CLCN6: variants seen among roughly 807,000 people sequenced by gnomAD.
The protein encoded by CLCN6 is Cl-/H+ antiporter 6, also known as H(+)/Cl(-) exchange transporter 6.
In CLCN6, 70 loss-of-function variants were observed where a neutral mutation model predicts 109.8. The observed-to-expected ratio is 0.64, with a 90% confidence interval of 0.53 to 0.78. The LOEUF (loss-of-function observed/expected upper bound fraction) is 0.78, where lower values mean the gene tolerates loss of function less well. Ranked by LOEUF, CLCN6 falls within the 30% of genes least tolerant of loss-of-function variation. CLCN6 has a pLI of 0.00. For missense variants in CLCN6, 984 were observed against 1,142.3 expected, an observed-to-expected ratio of 0.86 and a Z score of 2.00; for synonymous variants, 444 against 447.8, an observed-to-expected ratio of 0.99 and a Z score of 0.11.
Position 11,823,841 on chromosome 1 carries a change from G to A in CLCN6, c.580+8G>A, listed in dbSNP as rs1644778151. On this transcript the variant is annotated splice_region_variant and intron_variant, in intron 7 of 22. Coordinates refer to ENST00000346436, the MANE Select transcript of CLCN6 (RefSeq NM_001286.5). ...TGTTCAGTGTGGCTGGAGGTAAGAA[G>A]GGTCCAACTTGTATCCTTCAAATAC... The A allele has an allele frequency of 2.5e-6, 4 of 1,614,140 alleles. No homozygotes were observed. The highest frequency in any genetic ancestry group is 3.4e-6 in the Non-Finnish European group (4 of 1,179,984).
In CLCN6 at chr1:11,833,585, C is replaced by T; in HGVS notation, c.1319C>T (p.Thr440Ile). 6.2e-7 allele frequency: 1 copy of T among 1,614,050 alleles called. No individual in the cohort carries two copies. Among genetic ancestry groups the T allele is most frequent in the South Asian group, 1.1e-5 (1 of 91,076 alleles). Reference sequence around the variant, plus strand: ...AATGATACCTACAATGACATGGCCACACTCTTCTTCAACCCGCAGGAGTCT... The same window carrying T: ...AATGATACCTACAATGACATGGCCATACTCTTCTTCAACCCGCAGGAGTCT... ...CPNDTYNDMA[T>I]LFFNPQESAI... The change falls in exon 14 of 23, where the codon ACA (threonine) becomes ATA (isoleucine). Residue 440 changes from threonine (T) to isoleucine (I), a missense_variant. Coordinates refer to ENST00000346436, the MANE Select transcript of CLCN6 (RefSeq NM_001286.5).
At chr1:11,836,289 G>T (rs1366296740) in intron 18 of CLCN6, 136 bp downstream of exon 18, 2 of 723,790 alleles carry the variant, frequency 2.8e-6, no homozygotes, top group African/African-American at 1.8e-5. Flanking sequence ...CTCATCACAT[G>T]CGACAGGGAG....
At chr1:11,820,863 T>G (rs1644732079) in intron 5 of CLCN6, 1 of 152,968 alleles carries the variant, frequency 6.5e-6, no homozygotes, top group South Asian at 2.0e-4. Flanking sequence ...TCACCTGAGG[T>G]CAGGAGTTCA....
intron 13 of CLCN6, among the ~76,000 whole-genome samples, chr1:11,831,589 C>G (rs545676114): frequency 3.3e-5 from 5 of 152,292 alleles, no homozygotes; most frequent in Admixed American, 1.3e-4. Context: ...CTAGTTATTC[C>G]CAAGCCTAGC....
chr1:11,836,631 C>T (rs374675459), intron 18 of CLCN6, among the ~76,000 whole-genome samples: 6 of 152,110 alleles, frequency 3.9e-5, no homozygotes, highest in Admixed American at 6.5e-5. Flanking sequence ...CTCCTGATTC[C>T]GATTCAGAAT....
chr1:11,808,172 G>A (rs541386035), intron 2 of CLCN6, among the ~76,000 whole-genome samples: 5 of 150,356 alleles, frequency 3.3e-5, no homozygotes, highest in South Asian at 2.1e-4. Context: ...CTGTGCTTTC[G>A]TTATCCACTT....
Position 11,840,444 on chromosome 1 carries a change from C to T in CLCN6, c.*221C>T. Reference sequence around the variant, plus strand: ...CTGACTTCCCCAGCAAGGATCTTCCCACTTCCTGCTCCCTGTGTTCCCACC... The same window carrying T: ...CTGACTTCCCCAGCAAGGATCTTCCTACTTCCTGCTCCCTGTGTTCCCACC... On this transcript the variant is annotated 3_prime_UTR_variant, in exon 23 of 23. Transcript: ENST00000346436. 1.7e-6 allele frequency: 1 copy of T among 597,656 alleles called. No individual in the cohort carries two copies. Among genetic ancestry groups the T allele is most frequent in the Non-Finnish European group, 3.0e-6 (1 of 331,498 alleles). 37.0% of individuals were successfully genotyped at this position (597,656 alleles called of 1,614,324 possible).
chr1:11,838,738 T>C (rs758602018), intron 22 of CLCN6, 78 bp downstream of exon 22: 1 of 1,602,568 alleles, frequency 6.2e-7, no homozygotes, highest in South Asian at 1.1e-5. Context: ...CCCAGGCTTC[T>C]CACCAGAAAC....
intron 12 of CLCN6, among the ~76,000 whole-genome samples, chr1:11,828,984 G>A (rs957563273): frequency 1.3e-5 from 2 of 152,200 alleles, no homozygotes; most frequent in Non-Finnish European, 2.9e-5. Context: ...TGATGTGGAC[G>A]TAGCAGCCCA....
chr1:11,811,142 C>T lies in CLCN6; in HGVS notation c.147+3952C>T, dbSNP rs548998733. ...AGGTGAATTGCTTGAGCCCAGGAGA[C>T]GGAGGTTGCAGAGAGCTGTGATCAC... is the stretch of plus-strand genomic sequence containing the variant. On this transcript the variant is annotated intron_variant, in intron 2 of 22. Transcript: ENST00000346436. Among the ~76,000 whole-genome samples the T allele has an allele frequency of 6.6e-5, 10 of 151,996 alleles. No homozygotes were observed. In the East Asian group the frequency reaches 1.2e-3, roughly 18 times the overall value.
intron 13 of CLCN6, among the ~76,000 whole-genome samples, chr1:11,830,894 C>T (rs969647855): frequency 6.6e-6 from 1 of 151,812 alleles, no homozygotes; most frequent in Non-Finnish European, 1.5e-5. Context: ...AGTGCAGTGG[C>T]GCGATCTTGG....
rs377184742 is a variant in CLCN6, at chr1:11,815,810, G to C, written c.148-36G>C. 3.1e-5 allele frequency: 48 copies of C among 1,572,078 alleles called. No homozygotes were observed. In the East Asian group the frequency reaches 9.2e-4, roughly 30 times the overall value. On this transcript the variant is annotated intron_variant, in intron 2 of 22. Coordinates refer to ENST00000346436, the MANE Select transcript of CLCN6 (RefSeq NM_001286.5). ...TGTCCCTTTGCAGGTCTTCTCACCT[G>C]ACATGACCTTTTGACTCAACTTTGC...
In CLCN6 at chr1:11,836,096, T is replaced by G; in HGVS notation, c.1923T>G (p.Gly641=). 3 of 1,612,268 alleles carry G rather than the reference T, an allele frequency of 1.9e-6. No individual in the cohort carries two copies. The highest frequency in any genetic ancestry group is 2.5e-6 in the Non-Finnish European group (3 of 1,179,456). The stretch of plus-strand genomic sequence containing the variant: ...TCCCGGTGGTCACAGAGAACCGCGG[T>G]AACGAGAAGGAGTTCATGAAGGGCA... ...HAFPVVTENR[G]NEKEFMKGNQ... is the part of the protein sequence containing the mutation. The change falls in exon 18 of 23, where the codon GGT becomes GGG. Residue 641 remains glycine, a synonymous_variant. Transcript: ENST00000346436.
rs1372457602 is a variant in CLCN6 at position 11,807,000 on chromosome 1, T to C, written c.88-131T>C. 23 of 783,044 alleles carry C rather than the reference T, an allele frequency of 2.9e-5. No individual in the cohort carries two copies. In the East Asian group the frequency reaches 4.2e-4, roughly 14 times the overall value. 48.5% of individuals were successfully genotyped at this position (783,044 alleles called of 1,614,324 possible). Reference sequence around the variant, plus strand: ...GTCCCTCACCCCTGAAAGGTTTTTTTTGAGGGCTGGTTCCTATTTGATAAT... The same window carrying C: ...GTCCCTCACCCCTGAAAGGTTTTTTCTGAGGGCTGGTTCCTATTTGATAAT... On this transcript the variant is annotated intron_variant, in intron 1 of 22. Coordinates refer to ENST00000346436, the MANE Select transcript of CLCN6 (RefSeq NM_001286.5).
rs1557437576 is a variant in CLCN6, at chr1:11,840,159, C to T, written c.2546C>T (p.Thr849Ile). The T allele has an allele frequency of 6.2e-7, 1 of 1,613,960 alleles. No individual in the cohort carries two copies. The highest frequency in any genetic ancestry group is 2.2e-5 in the East Asian group (1 of 44,888). ...NAVGEIVGII[T>I]RHNLTYEFLQ... ...TTGCCCTAGATCGTGGGGATCATCACACGGCACAACCTCACCTATGAATTT... is the reference window on the plus strand; with the variant it reads ...TTGCCCTAGATCGTGGGGATCATCATACGGCACAACCTCACCTATGAATTT... The change falls in exon 23 of 23, where the codon ACA (threonine) becomes ATA (isoleucine). Residue 849 changes from threonine to isoleucine, a missense_variant. Coordinates refer to ENST00000346436, the MANE Select transcript of CLCN6 (RefSeq NM_001286.5).
intron 2 of CLCN6, among the ~76,000 whole-genome samples, chr1:11,813,303 G>A (rs1184724733): frequency 6.6e-6 from 1 of 152,106 alleles, no homozygotes; most frequent in Non-Finnish European, 1.5e-5. Flanking sequence ...ACATATGTAG[G>A]TGCATATATG....
At chr1:11,829,092 C>A (rs1341822660) in intron 12 of CLCN6, 104 bp from the exon 13 acceptor site, 22 of 1,341,638 alleles carry the variant, frequency 1.6e-5, no homozygotes, top group Non-Finnish European at 2.0e-5. Flanking sequence ...GCTGTGAATG[C>A]TGTTTGGAGA....
intron 5 of CLCN6, among the ~76,000 whole-genome samples, chr1:11,822,133 T>A (rs1400514836): frequency 1.3e-5 from 2 of 152,224 alleles, no homozygotes; most frequent in Non-Finnish European, 1.5e-5. Flanking sequence ...TTTTCTTTTT[T>A]AAAAATACCT....
intron 5 of CLCN6, among the ~76,000 whole-genome samples, chr1:11,821,961 A>G (rs1205026655): frequency 1.3e-5 from 2 of 152,264 alleles, no homozygotes; most frequent in Non-Finnish European, 2.9e-5. Context: ...AATGTTGAGA[A>G]AAAAAGAGCA....
Sources: allele counts gnomAD v4.1 joint callset (sites outside exome capture counted in the v4.1 genomes callset), GRCh38; gene constraint gnomAD v4.1.1; transcripts MANE v1.5; gene names NCBI Gene and HGNC (gene_info 2026-07-23, HGNC 2026-07-21).